SPATA16: variants seen among roughly 807,000 people sequenced by gnomAD.
SPATA16 encodes the protein spermatogenesis associated 16.
Under a neutral mutation model 63.3 loss-of-function variants are expected in SPATA16, and 36 were observed. That is an observed-to-expected ratio of 0.57 (90% CI 0.44 to 0.75). The LOEUF (loss-of-function observed/expected upper bound fraction) is 0.75. Among genes scored for constraint, SPATA16 ranks in the 30% least tolerant of loss-of-function variants. The pLI is 0.00. For missense variants in SPATA16, 646 were observed against 679.3 expected, an observed-to-expected ratio of 0.95 and a Z score of 0.54; for synonymous variants, 203 against 216.7, an observed-to-expected ratio of 0.94 and a Z score of 0.56.
intron 2 of SPATA16, among the ~76,000 whole-genome samples, chr3:173,056,422 G>A (rs1736223496): frequency 6.6e-6 from 1 of 152,174 alleles, no homozygotes; most frequent in Admixed American, 6.5e-5. Context: ...TGTAAGAAAT[G>A]CCGGGCGCAG....
chr3:173,126,657 G>A (rs186906241), intron 1 of SPATA16, among the ~76,000 whole-genome samples: 34 of 152,272 alleles, frequency 2.2e-4, no homozygotes, highest in African/African-American at 7.7e-4. Context: ...ACTCAGTATT[G>A]TAGAAGTATA....
At chr3:173,088,066 CTTT>C (rs1560118929) in intron 2 of SPATA16, among the ~76,000 whole-genome samples, 23 of 112,866 alleles carry the variant, frequency 2.0e-4, no homozygotes. Flanking sequence ...TTCTTTCTTT[CTTT>C]CTTTCTTTCT....
At chr3:172,913,767 A>T in intron 9 of SPATA16, 23 bp from the exon 10 acceptor site, 1 of 1,603,850 alleles carries the variant, frequency 6.2e-7, no homozygotes, top group East Asian at 2.2e-5. Context: ...GATAAAAATT[A>T]TCAGTGTGGA....
chr3:172,965,080 C>T (rs749449538), intron 5 of SPATA16, among the ~76,000 whole-genome samples: 11 of 152,140 alleles, frequency 7.2e-5, no homozygotes, highest in Non-Finnish European at 1.3e-4. Context: ...TTCACCTGTG[C>T]GTTGGCGAAG....
chr3:172,900,642 T>C (rs1732108379), intron 10 of SPATA16, among the ~76,000 whole-genome samples: 1 of 152,092 alleles, frequency 6.6e-6, no homozygotes, highest in East Asian at 1.9e-4. Context: ...TTTTTTTGTT[T>C]GTTTGTTTTT....
intron 3 of SPATA16, among the ~76,000 whole-genome samples, chr3:173,026,165 G>T (rs977337028): frequency 1.3e-5 from 2 of 151,678 alleles, no homozygotes; most frequent in Non-Finnish European, 3.0e-5. Context: ...TGTGGCTTTA[G>T]TTTGCATTTC....
At chr3:172,912,223 T>A (rs1417428557) in intron 10 of SPATA16, among the ~76,000 whole-genome samples, 1 of 152,178 alleles carries the variant, frequency 6.6e-6, no homozygotes, top group Non-Finnish European at 1.5e-5. Context: ...AGAGGCAGTG[T>A]TTCTGACCTC....
intron 4 of SPATA16, among the ~76,000 whole-genome samples, chr3:172,984,262 C>G (rs1195367844): frequency 2.0e-5 from 3 of 152,186 alleles, no homozygotes; most frequent in Non-Finnish European, 4.4e-5. Context: ...TCTGACGACG[C>G]TGATCTAGAC....
At chr3:172,906,010 C>T (rs1209478318) in intron 10 of SPATA16, among the ~76,000 whole-genome samples, 1 of 152,220 alleles carries the variant, frequency 6.6e-6, no homozygotes. Flanking sequence ...AAATGCTGAT[C>T]TTCTCAATGC....
At chr3:172,970,818 G>C (rs1043667370) in intron 5 of SPATA16, among the ~76,000 whole-genome samples, 1 of 152,116 alleles carries the variant, frequency 6.6e-6, no homozygotes, top group Non-Finnish European at 1.5e-5. Flanking sequence ...TAGGTGTTTT[G>C]TTAAAGATAA....
intron 3 of SPATA16, among the ~76,000 whole-genome samples, chr3:173,021,744 T>TTATG: frequency 6.7e-6 from 1 of 149,956 alleles, no homozygotes; most frequent in Non-Finnish European, 1.5e-5. Flanking sequence ...ATTTATTTAT[T>TTATG]TATTTATTTA....
intron 6 of SPATA16, 119 bp from the exon 7 acceptor site, chr3:172,925,611 G>A (rs1732712626): frequency 2.4e-6 from 3 of 1,225,778 alleles, no homozygotes; most frequent in Non-Finnish European, 3.5e-6. Context: ...AATGTGAAAG[G>A]TATGAAGTAA....
At chr3:173,022,035 G>C (rs193257097) in intron 3 of SPATA16, among the ~76,000 whole-genome samples, 1 of 152,132 alleles carries the variant, frequency 6.6e-6, no homozygotes, top group East Asian at 1.9e-4. Context: ...GGGTAGTGAA[G>C]AAAGAGCTTA....
At chr3:173,122,930 G>GAATGT (rs1425633105) in intron 1 of SPATA16, among the ~76,000 whole-genome samples, 1 of 152,182 alleles carries the variant, frequency 6.6e-6, no homozygotes, top group African/African-American at 2.4e-5. Context: ...GTGTGTCTGA[G>GAATGT]GTGCTATATT....
intron 2 of SPATA16, 91 bp from the exon 3 acceptor site, chr3:173,049,185 T>C: frequency 7.1e-7 from 1 of 1,418,320 alleles, no homozygotes; most frequent in Non-Finnish European, 9.5e-7. Context: ...TTTATTTATA[T>C]ATGTTTTGCT....
chr3:173,064,055 C>G (rs1003148067), intron 2 of SPATA16, among the ~76,000 whole-genome samples: 1 of 152,046 alleles, frequency 6.6e-6, no homozygotes, highest in South Asian at 2.1e-4. Flanking sequence ...GCCTGTAATC[C>G]CAGCACTTGG....
intron 2 of SPATA16, among the ~76,000 whole-genome samples, chr3:173,089,874 A>G (rs963478495): frequency 6.6e-6 from 1 of 152,164 alleles, no homozygotes; most frequent in African/African-American, 2.4e-5. Context: ...GGCTGAGATT[A>G]TGACAACTGC....
chr3:173,001,714 A>G (rs1195846526), intron 4 of SPATA16, among the ~76,000 whole-genome samples: 3 of 152,122 alleles, frequency 2.0e-5, no homozygotes, highest in Non-Finnish European at 4.4e-5. Context: ...TATTCTTTGT[A>G]TCTACTTGTC....
chr3:172,933,849 A>G (rs773293002), intron 6 of SPATA16, among the ~76,000 whole-genome samples: 12 of 152,172 alleles, frequency 7.9e-5, no homozygotes, highest in Non-Finnish European at 1.5e-4. Flanking sequence ...TACAAATAAT[A>G]TAGGATCCTT....
Sources: gnomAD v4.1 joint callset for allele counts (sites outside exome capture counted in the v4.1 genomes callset) on GRCh38, gnomAD v4.1.1 for gene constraint, MANE v1.5 for transcripts, NCBI Gene and HGNC (gene_info 2026-07-23, HGNC 2026-07-21) for gene names.